Variants in LINGO2 observed in about 807,000 individuals in gnomAD.
LINGO2 encodes the protein leucine-rich repeat and immunoglobulin-like domain-containing nogo receptor-interacting protein 2.
In LINGO2, 14 loss-of-function variants were observed where a neutral mutation model predicts 30.6. The observed-to-expected ratio is 0.46, with a 90% confidence interval of 0.30 to 0.72. The LOEUF (loss-of-function observed/expected upper bound fraction) is 0.72, where lower values mean the gene tolerates loss of function less well. Ranked by LOEUF, LINGO2 falls within the 30% of genes least tolerant of loss-of-function variation. The probability of loss-of-function intolerance (pLI) is 0.07; values close to 1 mark genes in which losing one functional copy is unlikely to be tolerated. For synonymous variants in LINGO2, 317 were observed against 288.5 expected, an observed-to-expected ratio of 1.10 and a Z score of -1.00; for missense variants, 729 against 751.7, an observed-to-expected ratio of 0.97 and a Z score of 0.35.
At chr9:28,298,814 C>T (rs1419235489) in intron 3 of LINGO2, among the ~76,000 whole-genome samples, 4 of 152,098 alleles carry the variant, frequency 2.6e-5, no homozygotes, top group Admixed American at 6.5e-5. Flanking sequence ...GCATGGCATA[C>T]AGAAGTGATT....
intron 3 of LINGO2, among the ~76,000 whole-genome samples, chr9:28,342,081 A>G (rs1160119170): frequency 6.6e-6 from 1 of 152,134 alleles, no homozygotes; most frequent in Non-Finnish European, 1.5e-5. Flanking sequence ...CTTCTAAGGG[A>G]CCGTATGTTA....
the LINGO2 span, among the ~76,000 whole-genome samples, chr9:28,951,867 A>G: frequency 1.3e-5 from 2 of 152,130 alleles, no homozygotes; most frequent in African/African-American, 4.8e-5. Flanking sequence ...CCTTGTTAAA[A>G]CAACAAGTAT....
chr9:28,806,078 T>C, the LINGO2 span, among the ~76,000 whole-genome samples: 1 of 118,026 alleles, frequency 8.5e-6, no homozygotes, highest in Non-Finnish European at 2.0e-5. Context: ...AGTTGTCTCT[T>C]AGTCAATCTT....
chr9:28,360,752 C>A (rs1820407022), intron 3 of LINGO2, among the ~76,000 whole-genome samples: 1 of 152,146 alleles, frequency 6.6e-6, no homozygotes, highest in Non-Finnish European at 1.5e-5. Flanking sequence ...TCCTGCTTCC[C>A]TTACACAGTC....
chr9:29,068,227 A>C, the LINGO2 span, among the ~76,000 whole-genome samples: 1 of 151,806 alleles, frequency 6.6e-6, no homozygotes, highest in Non-Finnish European at 1.5e-5. Flanking sequence ...ATTAACACTA[A>C]ATAAATTAAG....
At chr9:29,022,211 A>G in the LINGO2 span, among the ~76,000 whole-genome samples, 2 of 152,326 alleles carry the variant, frequency 1.3e-5, no homozygotes, top group Admixed American at 1.3e-4. Context: ...AGTATTTTGA[A>G]AATATTTTTA....
chr9:28,891,692 T>C, the LINGO2 span, among the ~76,000 whole-genome samples: 20 of 152,032 alleles, frequency 1.3e-4, no homozygotes, highest in Non-Finnish European at 1.5e-5. Flanking sequence ...AGCCATTCCT[T>C]AACATCTTTA....
At chr9:28,109,098 A>G (rs983833588) in intron 4 of LINGO2, among the ~76,000 whole-genome samples, 4 of 152,240 alleles carry the variant, frequency 2.6e-5, no homozygotes, top group African/African-American at 9.6e-5. Context: ...AACATATGCA[A>G]ATCAATAAAC....
intron 3 of LINGO2, among the ~76,000 whole-genome samples, chr9:28,317,629 G>GA (rs1824890878): frequency 6.7e-6 from 1 of 149,446 alleles, no homozygotes; most frequent in Non-Finnish European, 1.5e-5. Flanking sequence ...TCATTATTCT[G>GA]AAAAAACAGA....
chr9:29,181,677 A>G, the LINGO2 span, among the ~76,000 whole-genome samples: 1 of 152,344 alleles, frequency 6.6e-6, no homozygotes, highest in Non-Finnish European at 1.5e-5. Context: ...AAAGTACATC[A>G]AGAAATAGAC....
chr9:28,034,684 G>GAT (rs1175373185), intron 4 of LINGO2, among the ~76,000 whole-genome samples: 2 of 152,194 alleles, frequency 1.3e-5, no homozygotes, highest in African/African-American at 4.8e-5. Context: ...TTTCAGGGAT[G>GAT]ATAGTTAATG....
chr9:28,102,031 A>T (rs367991657), intron 4 of LINGO2, among the ~76,000 whole-genome samples: 1 of 152,058 alleles, frequency 6.6e-6, no homozygotes, highest in Non-Finnish European at 1.5e-5. Flanking sequence ...TTTGCCTCCA[A>T]CTCACCTTGA....
chr9:29,152,935 A>C, the LINGO2 span, among the ~76,000 whole-genome samples: 1 of 152,224 alleles, frequency 6.6e-6, no homozygotes, highest in African/African-American at 2.4e-5. Flanking sequence ...AAGTGAAACA[A>C]CATATGTAAA....
intron 1 of LINGO2, among the ~76,000 whole-genome samples, chr9:28,607,643 A>G (rs1329745116): frequency 1.3e-5 from 2 of 152,020 alleles, no homozygotes; most frequent in Admixed American, 1.3e-4. Context: ...AAAGATGACC[A>G]CCAGCCAGCC....
chr9:28,007,613 A>G (rs1410318421), intron 5 of LINGO2, among the ~76,000 whole-genome samples: 1 of 151,968 alleles, frequency 6.6e-6, no homozygotes, highest in Non-Finnish European at 1.5e-5. Context: ...CCTGACAAAT[A>G]AAACAAAACA....
At chr9:28,934,187 C>T in the LINGO2 span, among the ~76,000 whole-genome samples, 112,608 of 152,124 alleles carry the variant, frequency 0.74, 41,827 homozygotes, top group Non-Finnish European at 0.78. Context: ...TTGAATCTAA[C>T]TTGCCCACAC....
intron 4 of LINGO2, among the ~76,000 whole-genome samples, chr9:28,019,868 T>A (rs1206540416): frequency 6.6e-6 from 1 of 152,186 alleles, no homozygotes; most frequent in Non-Finnish European, 1.5e-5. Flanking sequence ...CCTCCTGGAC[T>A]CAAGTTCTTC....
chr9:28,646,864 T>A (rs1052944655), intron 1 of LINGO2, among the ~76,000 whole-genome samples: 1 of 152,136 alleles, frequency 6.6e-6, no homozygotes, highest in Admixed American at 6.6e-5. Flanking sequence ...AGAATTCTAA[T>A]TGATACTTTA....
chr9:27,992,637 T>C (rs1821454483), intron 5 of LINGO2, among the ~76,000 whole-genome samples: 1 of 152,078 alleles, frequency 6.6e-6, no homozygotes, highest in African/African-American at 2.4e-5. Context: ...AATAAAATTA[T>C]ATCAATACTA....
Sources: gnomAD v4.1 joint callset for allele counts (sites outside exome capture counted in the v4.1 genomes callset) on GRCh38, gnomAD v4.1.1 for gene constraint, MANE v1.5 for transcripts, NCBI Gene and HGNC (gene_info 2026-07-23, HGNC 2026-07-21) for gene names.